SAG: variants seen among roughly 807,000 people sequenced by gnomAD.
The protein encoded by SAG is S-antigen visual arrestin.
SAG carries 45 observed loss-of-function variants against 55.0 expected under a neutral mutation model. That is an observed-to-expected ratio of 0.82 (90% confidence interval 0.64 to 1.05). The LOEUF (loss-of-function observed/expected upper bound fraction) is 1.05. Ranked by LOEUF, SAG falls within the 50% of genes least tolerant of loss-of-function variation. The pLI is 0.00. For synonymous variants in SAG, 189 were observed against 197.4 expected (o/e 0.96, Z 0.36); for missense variants, 455 against 512.1 (o/e 0.89, Z 1.08).
At chr2:233,322,696 C>T (rs1700425020) in intron 5 of SAG, among the ~76,000 whole-genome samples, 1 of 152,104 alleles carries the variant, frequency 6.6e-6, no homozygotes, top group Non-Finnish European at 1.5e-5. Context: ...AGCTACTCCA[C>T]TGCACTCCAG....
At chr2:233,331,106 C>A (rs771788249) in intron 9 of SAG, among the ~76,000 whole-genome samples, 18 of 152,118 alleles carry the variant, frequency 1.2e-4, no homozygotes, top group Non-Finnish European at 2.1e-4. Flanking sequence ...TCTTTTTAAT[C>A]ATCACAACGT....
Position 233,342,715 on chromosome 2 carries a change from G to C in SAG, c.1102+389G>C, listed in dbSNP as rs187768509. 451 of 195,064 alleles carry C rather than the reference G, an allele frequency of 2.3e-3. 3 individuals carry two copies. The highest frequency in any genetic ancestry group is 0.01 in the African/African-American group (436 of 42,416). The allele number at this position is 195,064 out of a possible 1,614,324, so 12.1% of individuals were successfully genotyped here. On this transcript the variant is annotated intron_variant, in intron 14 of 15. Transcript: ENST00000409110. ...TTTGCATTTCATTTGGAAACAAAAG[G>C]CCTCATGTTTCATTTGAAAGCATTA...
chr2:233,326,841 A>T (rs1237446545), intron 6 of SAG, among the ~76,000 whole-genome samples: 1 of 152,208 alleles, frequency 6.6e-6, no homozygotes, highest in Non-Finnish European at 1.5e-5. Flanking sequence ...AAGGATAGCC[A>T]GGATGTGAAT....
intron 10 of SAG, chr2:233,332,771 C>G (rs1700808817): frequency 6.6e-6 from 1 of 151,700 alleles, no homozygotes; most frequent in Admixed American, 6.6e-5. Flanking sequence ...AAGTGATTCT[C>G]CTGCCTCAGC....
intron 2 of SAG, among the ~76,000 whole-genome samples, chr2:233,314,349 AG>A (rs1354182864): frequency 6.6e-6 from 1 of 152,190 alleles, no homozygotes; most frequent in Non-Finnish European, 1.5e-5. Context: ...CGAGGCCCTC[AG>A]GGCTACCTCC....
chr2:233,309,227 A>G lies in SAG; in HGVS notation c.38A>G (p.Asn13Ser). ...ASGKTSKSEP[N>S]HVIFKKISRD... ...GGGAAGACCAGCAAGTCCGAACCGA[A>G]CCATGTTATCTTCAAGAAGATCTCC... The change falls in exon 2 of 16, where the codon AAC becomes AGC. Residue 13 changes from asparagine to serine, a missense_variant. By Grantham distance (46) the Asn-to-Ser change is conservative. Coordinates refer to ENST00000409110, the MANE Select transcript of SAG (RefSeq NM_000541.5). 1 of 1,613,910 alleles carries G rather than the reference A, an allele frequency of 6.2e-7. No individual in the cohort carries two copies. The highest frequency in any genetic ancestry group is 8.5e-7 in the Non-Finnish European group (1 of 1,179,828).
At chr2:233,323,956 G>A (rs571774497) in intron 6 of SAG, among the ~76,000 whole-genome samples, 1 of 152,196 alleles carries the variant, frequency 6.6e-6, no homozygotes, top group Non-Finnish European at 1.5e-5. Context: ...TGGGATGTGT[G>A]TTGAGGATGT....
chr2:233,320,487 G>A, intron 4 of SAG, 143 bp from the exon 5 acceptor site: 1 of 591,330 alleles, frequency 1.7e-6, no homozygotes, highest in Middle Eastern at 3.9e-4. Context: ...TGGAGTAGCT[G>A]GGTGGCAGGG....
chr2:233,321,647 A>C (rs904842984), intron 5 of SAG, among the ~76,000 whole-genome samples: 12 of 152,132 alleles, frequency 7.9e-5, no homozygotes, highest in African/African-American at 2.7e-4. Flanking sequence ...ACAGAGCTTC[A>C]GATTGGGAAG....
chr2:233,333,025 A>C (rs1050705461), intron 10 of SAG: 1 of 152,250 alleles, frequency 6.6e-6, no homozygotes, highest in Non-Finnish European at 1.5e-5. Flanking sequence ...CAAACTCCTG[A>C]CCTCAGGTGA....
intron 9 of SAG, 181 bp from the exon 10 acceptor site, chr2:233,331,459 C>T: frequency 1.5e-6 from 1 of 662,348 alleles, no homozygotes; most frequent in East Asian, 2.7e-5. Flanking sequence ...CCAGAAATGG[C>T]CTGGAGACAG....
intron 14 of SAG, 97 bp from the exon 15 acceptor site, chr2:233,346,306 G>C: frequency 7.5e-7 from 1 of 1,326,872 alleles, no homozygotes; most frequent in Non-Finnish European, 1.1e-6. Context: ...TCACCTAAAA[G>C]GTAGACATTT....
intron 11 of SAG, chr2:233,338,412 G>C: frequency 2.0e-6 from 1 of 491,896 alleles, no homozygotes; most frequent in South Asian, 2.5e-5. Flanking sequence ...ATCTATAGAG[G>C]TCAAGCACAG....
chr2:233,309,543 G>A (rs1290408089), intron 2 of SAG, among the ~76,000 whole-genome samples: 1 of 152,182 alleles, frequency 6.6e-6, no homozygotes, highest in Admixed American at 6.5e-5. Flanking sequence ...GACTTGGGAG[G>A]CTGAGGCACA....
At chr2:233,310,544 C>T (rs2125319052) in intron 2 of SAG, among the ~76,000 whole-genome samples, 1 of 139,530 alleles carries the variant, frequency 7.2e-6, no homozygotes, top group African/African-American at 2.8e-5. Context: ...GAGTCTCACT[C>T]TGTCACCGAG....
At chr2:233,322,185 C>CAAA (rs35197599) in intron 5 of SAG, among the ~76,000 whole-genome samples, 23 of 66,052 alleles carry the variant, frequency 3.5e-4, no homozygotes, top group African/African-American at 8.8e-4. Context: ...GACTCTGTCT[C>CAAA]AAAAAAAAAA....
rs533084750 is a variant in SAG, at chr2:233,318,949, C to T, written c.181+154C>T. The T allele has an allele frequency of 1.1e-5, 8 of 753,484 alleles. No individual in the cohort carries two copies. The East Asian group carries it at 1.3e-4, about 12-fold the overall frequency. The allele number at this position is 753,484 out of a possible 1,614,324, so 46.7% of individuals were successfully genotyped here. On this transcript the variant is annotated intron_variant, in intron 4 of 15. Transcript: ENST00000409110. ...CCAGTGCCAGGCCCACTGACCCACACTCCTGTACCTAATTCACGTGACATA... is the reference window on the plus strand; with the variant it reads ...CCAGTGCCAGGCCCACTGACCCACATTCCTGTACCTAATTCACGTGACATA...
chr2:233,328,919 C>G (rs1700658163), intron 8 of SAG: 1 of 344,386 alleles, frequency 2.9e-6, no homozygotes, highest in Non-Finnish European at 5.3e-6. Context: ...CTGTCCACCT[C>G]CATGGGCCTT....
intron 6 of SAG, among the ~76,000 whole-genome samples, chr2:233,325,785 C>T (rs3792101): frequency 0.068 from 10,335 of 152,228 alleles, 424 homozygotes; most frequent in South Asian, 0.1. Context: ...AAAGTGGGTG[C>T]GCCCTGAGCC....
Sources: allele counts gnomAD v4.1 joint callset (sites outside exome capture counted in the v4.1 genomes callset), GRCh38; gene constraint gnomAD v4.1.1; transcripts MANE v1.5; gene names NCBI Gene and HGNC (gene_info 2026-07-23, HGNC 2026-07-21).